Variants in TMEM67 observed in about 807,000 individuals in gnomAD.
TMEM67 encodes the protein meckelin.
A neutral mutation model predicts 136.6 loss-of-function variants in TMEM67; 124 were observed. That is an observed-to-expected ratio of 0.91 (90% confidence interval 0.78 to 1.05). The LOEUF (loss-of-function observed/expected upper bound fraction) is 1.05. Among genes scored for constraint, TMEM67 ranks in the 50% least tolerant of loss-of-function variants. The pLI, the probability that TMEM67 is intolerant of heterozygous loss-of-function variation, is 0.00. For synonymous variants in TMEM67, 364 were observed against 390.5 expected (o/e 0.93, Z 0.80); for missense variants, 1,107 against 1,178.4 (o/e 0.94, Z 0.89).
intron 3 of TMEM67, 92 bp downstream of exon 3, chr8:93,758,668 G>T: frequency 9.2e-7 from 1 of 1,088,678 alleles, no homozygotes; most frequent in South Asian, 1.3e-5. Context: ...AAATAGTTAA[G>T]TGATTACTTA....
chr8:93,809,971 C>CT (rs375597348), intron 26 of TMEM67, 84 bp downstream of exon 26: 19,151 of 586,684 alleles, frequency 0.033, 3 homozygotes, highest in East Asian at 0.045. Context: ...TTCTTTTTTT[C>CT]TTTTTTTTTT....
chr8:93,782,512 A>G lies in TMEM67; in HGVS notation c.1131+52A>G, dbSNP rs112574120. On this transcript the variant is annotated intron_variant, in intron 11 of 27. Coordinates refer to ENST00000453321, the MANE Select transcript of TMEM67 (RefSeq NM_153704.6). Reference sequence around the variant, plus strand: ...TTTTAGCTTTATTTTTCAAAATATCATGTCAGCAGTAATTGGAATAATACT... The same window carrying G: ...TTTTAGCTTTATTTTTCAAAATATCGTGTCAGCAGTAATTGGAATAATACT... 2.2e-6 allele frequency: 3 copies of G among 1,380,774 alleles called. No homozygotes were observed. The East Asian group carries it at 6.9e-5, about 32-fold the overall frequency. 85.5% of individuals were successfully genotyped at this position (1,380,774 alleles called of 1,614,324 possible).
rs1055967569 is a variant in TMEM67 at position 93,786,478 on chromosome 8, A to G, written c.1412+132A>G. 18 of 983,782 alleles carry G rather than the reference A, an allele frequency of 1.8e-5. No individual in the cohort carries two copies. The African/African-American group carries it at 2.6e-4, about 14-fold the overall frequency. 60.9% of individuals were successfully genotyped at this position (983,782 alleles called of 1,614,324 possible). ...GTCGGGTTATTTTAGGTGTATGTGT[A>G]GATTGGCATAGACCAGTAAAAGTGA... is the stretch of plus-strand genomic sequence containing the variant. On this transcript the variant is annotated intron_variant, in intron 13 of 27. Transcript: ENST00000453321.
intron 14 of TMEM67, among the ~76,000 whole-genome samples, chr8:93,790,797 C>T (rs991396436): frequency 6.6e-6 from 1 of 152,154 alleles, no homozygotes; most frequent in Middle Eastern, 3.2e-3. Flanking sequence ...AGGTATCTTC[C>T]TCTCCTACCC....
At chr8:93,807,877 T>C (rs981027043) in intron 23 of TMEM67, among the ~76,000 whole-genome samples, 1 of 151,736 alleles carries the variant, frequency 6.6e-6, no homozygotes, top group African/African-American at 2.4e-5. Flanking sequence ...CAAATCAAAA[T>C]TTTTTTTACA....
At position 93,779,183 on chromosome 8, in the gene TMEM67, G is replaced by A. The variant is rs570872855; in HGVS notation, c.715-1410G>A. 1.1e-4 allele frequency among the ~76,000 whole-genome samples: 17 copies of A among 152,240 alleles called. No homozygotes were observed. In the East Asian group the frequency reaches 3.3e-3, roughly 29 times the overall value. Reference sequence around the variant, plus strand: ...CTTGTGCATGCATCACATAGTTCTTGTGCCATGTCTTTTAGCTCCATCAGG... The same window carrying A: ...CTTGTGCATGCATCACATAGTTCTTATGCCATGTCTTTTAGCTCCATCAGG... On this transcript the variant is annotated intron_variant, in intron 7 of 27. Transcript: ENST00000453321.
chr8:93,797,110 T>G, intron 18 of TMEM67, 24 bp from the exon 19 acceptor site: 2 of 1,384,940 alleles, frequency 1.4e-6, no homozygotes, highest in South Asian at 2.3e-5. Context: ...CTTTTTCAGG[T>G]GTTTTATTAT....
chr8:93,807,719 G>A (rs1425848698), intron 23 of TMEM67, among the ~76,000 whole-genome samples: 1 of 151,844 alleles, frequency 6.6e-6, no homozygotes, highest in Non-Finnish European at 1.5e-5. Context: ...TTCACTACAT[G>A]TATTCTTCCT....
chr8:93,768,556 G>C (rs1813184893), intron 6 of TMEM67, among the ~76,000 whole-genome samples: 1 of 152,130 alleles, frequency 6.6e-6, no homozygotes, highest in African/African-American at 2.4e-5. Context: ...GTTGCAGTGA[G>C]CCAAGATCGC....
intron 3 of TMEM67, chr8:93,760,073 TAGAA>T: frequency 9.8e-7 from 1 of 1,025,088 alleles, no homozygotes; most frequent in Non-Finnish European, 1.3e-6. Context: ...GATTAAATAT[TAGAA>T]AGATGCAACT....
downstream of TMEM67, among the ~76,000 whole-genome samples, chr8:93,822,844 A>G (rs1262870646): frequency 6.6e-6 from 1 of 152,238 alleles, no homozygotes; most frequent in Non-Finnish European, 1.5e-5. Flanking sequence ...AGAACGAATT[A>G]TCTAATGATT....
rs750661742 is a variant in TMEM67 at position 93,797,419 on chromosome 8, G to A, written c.2049G>A (p.Val683=). 39 of 1,613,820 alleles carry A rather than the reference G, an allele frequency of 2.4e-5. No homozygotes were observed. The highest frequency in any genetic ancestry group is 3.1e-5 in the Non-Finnish European group (36 of 1,179,860). Residue 683 remains valine (V), a synonymous_variant, in exon 20 of 28, where the codon GTG becomes GTA. Coordinates refer to ENST00000453321, the MANE Select transcript of TMEM67 (RefSeq NM_153704.6). Reference sequence around the variant, plus strand: ...ATGAATGGAATGAAATTCAGACTGTGAGAAAAATTAATTCACTCTTTCAAG... The same window carrying A: ...ATGAATGGAATGAAATTCAGACTGTAAGAAAAATTAATTCACTCTTTCAAG... ...VANEWNEIQT[V]RKINSLFQVL...
In TMEM67 at chr8:93,795,419, A is replaced by C. The variant is rs1301144212; in HGVS notation, c.1685A>C (p.Lys562Thr). 6 of 1,613,938 alleles carry C rather than the reference A, an allele frequency of 3.7e-6. No homozygotes were observed. The highest frequency in any genetic ancestry group is 5.1e-6 in the Non-Finnish European group (6 of 1,179,888). The change falls in exon 17 of 28, where the codon AAA (lysine) becomes ACA (threonine). Residue 562 changes from lysine to threonine, a missense_variant. Physicochemically the swap from Lys to Thr is moderately conservative, Grantham distance 78. This residue lies in a region of TMEM67 where 925 missense variants were observed against 1,002.4 expected (regional missense o/e 0.92). Coordinates refer to ENST00000453321, the MANE Select transcript of TMEM67 (RefSeq NM_153704.6). Reference protein sequence around the residue: ...SPMIDLQTVVKFLVYYAGDLA... With the variant: ...SPMIDLQTVVTFLVYYAGDLA... ...TTTTTTAAATTGCAGACAGTTGTGA[A>C]ATTCTTGGTGTACTATGCTGGTGAT...
chr8:93,829,378 C>CTGTGTG, the TMEM67 span, among the ~76,000 whole-genome samples: 97 of 148,294 alleles, frequency 6.5e-4, no homozygotes, highest in South Asian at 8.3e-3. Flanking sequence ...CTCTCTCTCT[C>CTGTGTG]TCTCTGTGTG....
chr8:93,755,749 G>A (rs927586187), intron 1 of TMEM67, 29 bp from the exon 2 acceptor site: 9 of 1,101,238 alleles, frequency 8.2e-6, no homozygotes, highest in Non-Finnish European at 1.2e-5. Flanking sequence ...GGATAAAATT[G>A]GCTTTTTTTT....
At chr8:93,826,342 G>A in the TMEM67 span, among the ~76,000 whole-genome samples, 3 of 151,860 alleles carry the variant, frequency 2.0e-5, no homozygotes, top group Admixed American at 6.6e-5. Flanking sequence ...TGTTAGCCAG[G>A]ATGGTCTTGA....
the TMEM67 span, among the ~76,000 whole-genome samples, chr8:93,827,880 T>C: frequency 6.6e-6 from 1 of 152,104 alleles, no homozygotes; most frequent in African/African-American, 2.4e-5. Flanking sequence ...AGAAGTCTGC[T>C]GATGGGGCAT....
chr8:93,770,998 A>G (rs1182812683), intron 6 of TMEM67, among the ~76,000 whole-genome samples: 1 of 151,460 alleles, frequency 6.6e-6, no homozygotes, highest in Non-Finnish European at 1.5e-5. Flanking sequence ...CTGGGCAACA[A>G]GCGAAATTCC....
At chr8:93,757,946 G>A (rs920442622) in intron 2 of TMEM67, among the ~76,000 whole-genome samples, 15 of 152,044 alleles carry the variant, frequency 9.9e-5, no homozygotes, top group African/African-American at 3.6e-4. Flanking sequence ...TAGTAGAGAC[G>A]AGGTTTCACC....
Sources: allele counts gnomAD v4.1 joint callset (sites outside exome capture counted in the v4.1 genomes callset), GRCh38; gene constraint gnomAD v4.1.1; regional missense constraint gnomAD v4.1.1; transcripts MANE v1.5; gene names NCBI Gene and HGNC (gene_info 2026-07-23, HGNC 2026-07-21).